TACO1: variants seen among roughly 807,000 people sequenced by gnomAD.
The protein encoded by TACO1 is translational activator of cytochrome c oxidase 1.
Under a neutral mutation model 24.0 loss-of-function variants are expected in TACO1, and 13 were observed. The ratio of observed to expected loss-of-function variants is 0.54; its 90% CI spans 0.35 to 0.86. TACO1 has a LOEUF of 0.86. TACO1 is among the 40% of genes least tolerant of loss of function. The pLI, the probability that TACO1 is intolerant of heterozygous loss-of-function variation, is 0.01. For synonymous variants in TACO1, 149 were observed against 153.5 expected, an observed-to-expected ratio of 0.97 and a Z score of 0.22; for missense variants, 352 against 380.1, an observed-to-expected ratio of 0.93 and a Z score of 0.61.
At chr17:63,603,511 AC>A (rs2033837918) in intron 1 of TACO1, among the ~76,000 whole-genome samples, 1 of 151,442 alleles carries the variant, frequency 6.6e-6, no homozygotes, top group Non-Finnish European at 1.5e-5. Flanking sequence ...TTCGAGACCA[AC>A]CTGGCCAACG....
chr17:63,607,404 CGAA>C lies in TACO1; in HGVS notation c.635_637del (p.Glu212del), dbSNP rs1435183616. ...TAGAGCGTGCCCTGGAGATGGCAATCGAAGCAGGAGCTGAGGATGTCAAGGAAA... is the reference window on the plus strand; with the variant it reads ...TAGAGCGTGCCCTGGAGATGGCAATCGCAGGAGCTGAGGATGTCAAGGAAA... On this transcript the variant is annotated inframe_deletion, in exon 4 of 5. Coordinates refer to ENST00000258975, the MANE Select transcript of TACO1 (RefSeq NM_016360.4). 1 of 1,613,968 alleles carries C rather than the reference CGAA, an allele frequency of 6.2e-7. No homozygotes were observed. Among genetic ancestry groups the C allele is most frequent in the Non-Finnish European group, 8.5e-7 (1 of 1,180,032 alleles).
At position 63,606,392 on chromosome 17, in the gene TACO1, G is replaced by A; in HGVS notation, c.467G>A (p.Ser156Asn). The A allele has an allele frequency of 6.2e-7, 1 of 1,614,156 alleles. No homozygotes were observed. Among genetic ancestry groups the A allele is most frequent in the East Asian group, 2.2e-5 (1 of 44,878 alleles). ...SSLLIEALSN[S>N]SHKCQADIRH... ...CTGCTCATCGAGGCATTATCTAACA[G>A]TAGCCACAAGTGCCAAGCAGACATT... Residue 156 changes from serine (S) to asparagine (N), a missense_variant, in exon 3 of 5, where the codon AGT (serine) becomes AAT (asparagine). Ser to Asn is a conservative substitution (Grantham distance 46, BLOSUM62 1). Transcript: ENST00000258975.
In TACO1 at chr17:63,607,316, C is replaced by G. The variant is rs149211436; in HGVS notation, c.545C>G (p.Ser182Cys). 9.9e-6 allele frequency: 16 copies of G among 1,614,054 alleles called. No individual in the cohort carries two copies. The highest frequency in any genetic ancestry group is 1.7e-4 in the Middle Eastern group (1 of 5,998). ...GTGATGGCTGTAGGAGCTCGTCACTCTTTTGACAAAAAGGGGGTGATTGTG... is the reference window on the plus strand; with the variant it reads ...GTGATGGCTGTAGGAGCTCGTCACTGTTTTGACAAAAAGGGGGTGATTGTG... ...GGVMAVGARH[S>C]FDKKGVIVVE... The change falls in exon 4 of 5, where the codon TCT becomes TGT. Residue 182 changes from serine to cysteine, a missense_variant. By Grantham distance (112) the Ser-to-Cys change is moderately radical. Coordinates refer to ENST00000258975, the MANE Select transcript of TACO1 (RefSeq NM_016360.4).
At chr17:63,604,207 G>A (rs1056205621) in intron 1 of TACO1, among the ~76,000 whole-genome samples, 2 of 151,520 alleles carry the variant, frequency 1.3e-5, no homozygotes, top group African/African-American at 4.9e-5. Context: ...GTGTGGTGGT[G>A]TGCACCTGTA....
intron 1 of TACO1, among the ~76,000 whole-genome samples, chr17:63,603,152 C>T (rs929836227): frequency 6.6e-6 from 1 of 152,052 alleles, no homozygotes; most frequent in African/African-American, 2.4e-5. Context: ...AGGAGAATGG[C>T]GTGAACCCAG....
chr17:63,601,700 C>G (rs972352341), intron 1 of TACO1, among the ~76,000 whole-genome samples: 3 of 152,146 alleles, frequency 2.0e-5, no homozygotes, highest in African/African-American at 7.2e-5. Flanking sequence ...GTGTGTCTCT[C>G]CTGAAGAGAC....
At chr17:63,604,195 G>A (rs1190615360) in intron 1 of TACO1, among the ~76,000 whole-genome samples, 2 of 151,884 alleles carry the variant, frequency 1.3e-5, no homozygotes, top group African/African-American at 2.4e-5. Context: ...AAAATTAGCC[G>A]GGTGTGGTGG....
At position 63,601,594 on chromosome 17, in the gene TACO1, G is replaced by A. The variant is rs80295057; in HGVS notation, c.280+231G>A. On this transcript the variant is annotated intron_variant, in intron 1 of 4. Transcript: ENST00000258975. ...ATCTGGCCAGTTTGTCAGAGAGGGA[G>A]CTGCTCTTAAGAAGATAAGCCGGTA... 0.01 allele frequency among the ~76,000 whole-genome samples: 1,550 copies of A among 152,320 alleles called. 22 individuals carry two copies. The highest frequency in any genetic ancestry group is 0.036 in the African/African-American group (1,488 of 41,568).
At chr17:63,607,239 A>G in intron 3 of TACO1, 48 bp from the exon 4 acceptor site, 1 of 1,549,054 alleles carries the variant, frequency 6.5e-7, no homozygotes, top group African/African-American at 1.4e-5. Context: ...ATGGAGGCTG[A>G]GCTTCTAGAG....
chr17:63,602,094 A>C (rs534300857), intron 1 of TACO1, among the ~76,000 whole-genome samples: 2 of 149,614 alleles, frequency 1.3e-5, no homozygotes, highest in African/African-American at 2.5e-5. Flanking sequence ...AAATAACAAA[A>C]AAAAAAAAAA....
rs750867350 is a variant in TACO1 at position 63,607,189 on chromosome 17, G to A, written c.516-98G>A. On this transcript the variant is annotated intron_variant, in intron 3 of 4. Transcript: ENST00000258975. ...GCTCCATGTCTGTGTGTACTTCATA[G>A]ACTGGGTAAGAAAGAGACAGTGATA... 7.1e-5 allele frequency: 79 copies of A among 1,119,586 alleles called. 1 individual carries two copies. The highest frequency in any genetic ancestry group is 2.5e-4 in the Admixed American group (13 of 51,990). The allele number at this position is 1,119,586 out of a possible 1,614,324, so 69.4% of individuals were successfully genotyped here.
chr17:63,606,755 G>A, intron 3 of TACO1: 1 of 394,942 alleles, frequency 2.5e-6, no homozygotes, highest in South Asian at 2.2e-5. Flanking sequence ...CATCATGTTG[G>A]CCAGACTGGT....
At position 63,601,078 on chromosome 17, in the gene TACO1, G is replaced by C. The variant is rs1224505306; in HGVS notation, c.-6G>C. On this transcript the variant is annotated 5_prime_UTR_variant, in exon 1 of 5. Transcript: ENST00000258975. ...GCTAGCAGCTTGAACCCCAGGGTCG[G>C]GACCGATGTCGGCTTGGGCTGCTGC... 7 of 1,540,214 alleles carry C rather than the reference G, an allele frequency of 4.5e-6. No homozygotes were observed. Among genetic ancestry groups the C allele is most frequent in the Non-Finnish European group, 6.1e-6 (7 of 1,146,122 alleles).
Position 63,601,455 on chromosome 17 carries a change from C to T in TACO1, c.280+92C>T, listed in dbSNP as rs1036795129. ...CTCTCGGAATTGGGCCCACCTAGAT[C>T]TCCGGCCCTTCACTTTGTTTTCCTT... On this transcript the variant is annotated intron_variant, in intron 1 of 4. Transcript: ENST00000258975. The T allele has an allele frequency of 7.9e-6, 11 of 1,398,472 alleles. No homozygotes were observed. In the African/African-American group the frequency reaches 9.9e-5, roughly 13 times the overall value. 86.6% of individuals were successfully genotyped at this position (1,398,472 alleles called of 1,614,324 possible). A position where few individuals can be genotyped will look rare whatever the true frequency, so the allele number is the denominator to read the frequency against.
chr17:63,605,428 C>T (rs771325575), intron 2 of TACO1, among the ~76,000 whole-genome samples: 1 of 152,136 alleles, frequency 6.6e-6, no homozygotes, highest in African/African-American at 2.4e-5. Flanking sequence ...ATCTTAATAG[C>T]TCAAAATTAT....
rs973671414 is a variant in TACO1 at position 63,607,286 on chromosome 17, G to A, written c.516-1G>A. The stretch of plus-strand genomic sequence containing the variant: ...TGCCAGCCTGTTTCCTTCCCTGTCA[G>A]AGGAGTGATGGCTGTAGGAGCTCGT... On this transcript the variant is annotated splice_acceptor_variant, in intron 3 of 4. Coordinates refer to ENST00000258975, the MANE Select transcript of TACO1 (RefSeq NM_016360.4). LOFTEE classifies it high-confidence loss of function. 1.9e-6 allele frequency: 3 copies of A among 1,613,362 alleles called. No homozygotes were observed. In the African/African-American group the frequency reaches 4.0e-5, roughly 22 times the overall value.
Position 63,607,336 on chromosome 17 carries a change from A to G in TACO1, c.565A>G (p.Ile189Val), listed in dbSNP as rs758966038. ...ARHSFDKKGV[I>V]VVEVEDREKK... ...TCACTCTTTTGACAAAAAGGGGGTG[A>G]TTGTGGTTGAAGTGGAGGACAGAGA... Residue 189 changes from isoleucine to valine, a missense_variant, in exon 4 of 5, where the codon ATT (isoleucine) becomes GTT (valine). By Grantham distance (29) the Ile-to-Val change is conservative (BLOSUM62 3). Coordinates refer to ENST00000258975, the MANE Select transcript of TACO1 (RefSeq NM_016360.4). 20 of 1,614,150 alleles carry G rather than the reference A, an allele frequency of 1.2e-5. No homozygotes were observed. In the South Asian group the frequency reaches 2.1e-4, roughly 17 times the overall value.
chr17:63,604,913 G>A (rs538370132), intron 2 of TACO1, among the ~76,000 whole-genome samples: 2 of 152,146 alleles, frequency 1.3e-5, no homozygotes, highest in Admixed American at 6.5e-5. Flanking sequence ...TACTGGGGAG[G>A]CTGAGGTGGA....
intron 1 of TACO1, among the ~76,000 whole-genome samples, chr17:63,603,777 A>G (rs2147787257): frequency 6.6e-6 from 1 of 151,956 alleles, no homozygotes; most frequent in South Asian, 2.1e-4. Context: ...GCACTTTGGG[A>G]GGCCGAGTCA....
Sources: gnomAD v4.1 joint callset for allele counts (sites outside exome capture counted in the v4.1 genomes callset) on GRCh38, gnomAD v4.1.1 for gene constraint, MANE v1.5 for transcripts, NCBI Gene and HGNC (gene_info 2026-07-23, HGNC 2026-07-21) for gene names.